RAD54B: variants seen among roughly 807,000 people sequenced by gnomAD.
The protein encoded by RAD54B is DNA repair and recombination protein RAD54B.
In RAD54B, 78 loss-of-function variants were observed where a neutral mutation model predicts 95.8. The ratio of observed to expected loss-of-function variants is 0.81; its 90% confidence interval spans 0.68 to 0.98. The LOEUF (loss-of-function observed/expected upper bound fraction) is 0.98, where lower values mean the gene tolerates loss of function less well. RAD54B is among the 50% of genes least tolerant of loss of function. The probability of loss-of-function intolerance (pLI) is 0.00; values close to 1 mark genes in which losing one functional copy is unlikely to be tolerated. For missense variants in RAD54B, 957 were observed against 1,056.6 expected (o/e 0.91, Z 1.31); for synonymous variants, 328 against 354.9 (o/e 0.92, Z 0.85).
At position 94,404,312 on chromosome 8, in the gene RAD54B, C is replaced by T. The variant is rs1223102491; in HGVS notation, c.782-73G>A. ...AACCAACATTATCTTGTTTTCATTA[C>T]CCTAAGATAGAAATGTTTGCCATCA... On this transcript the variant is annotated intron_variant, in intron 5 of 14. Transcript: ENST00000336148. 12 of 1,322,216 alleles carry T rather than the reference C, an allele frequency of 9.1e-6. No individual in the cohort carries two copies. In the East Asian group the frequency reaches 1.6e-4, roughly 17 times the overall value. 81.9% of individuals were successfully genotyped at this position (1,322,216 alleles called of 1,614,324 possible).
intron 2 of RAD54B, among the ~76,000 whole-genome samples, chr8:94,464,956 C>G (rs1437633927): frequency 6.6e-6 from 1 of 152,054 alleles, no homozygotes; most frequent in African/African-American, 2.4e-5. Context: ...ATCATGTGGA[C>G]TCAGAGCGAA....
chr8:94,448,391 G>C (rs1812571883), intron 3 of RAD54B, among the ~76,000 whole-genome samples: 1 of 152,020 alleles, frequency 6.6e-6, no homozygotes, highest in African/African-American at 2.4e-5. Context: ...ATGAAGATTG[G>C]TGCAGCCATT....
chr8:94,413,436 CA>C (rs757968035), intron 3 of RAD54B, among the ~76,000 whole-genome samples: 1 of 152,102 alleles, frequency 6.6e-6, no homozygotes, highest in Non-Finnish European at 1.5e-5. Flanking sequence ...GGTAGGGAAG[CA>C]AATTCAATGA....
intron 3 of RAD54B, among the ~76,000 whole-genome samples, chr8:94,453,886 G>T (rs1224565271): frequency 6.6e-6 from 1 of 152,040 alleles, no homozygotes; most frequent in African/African-American, 2.4e-5. Context: ...CTGCCTCCCG[G>T]GTTCAAGCAA....
At chr8:94,432,363 T>C in intron 3 of RAD54B, 1 of 1,550,362 alleles carries the variant, frequency 6.5e-7, no homozygotes, top group Non-Finnish European at 8.7e-7. Flanking sequence ...CCTAAAGTGT[T>C]CACCACTCTC....
Position 94,378,644 on chromosome 8 carries a change from A to C in RAD54B, c.2248-10T>G. On this transcript the variant is annotated splice_polypyrimidine_tract_variant and intron_variant, in intron 12 of 14. Coordinates refer to ENST00000336148, the MANE Select transcript of RAD54B (RefSeq NM_012415.3). ...ATACTCTAGACATTGCCTATAGAAA[A>C]TAAGTGAGAATTCTGAGAGTACAGT... 1 of 1,580,742 alleles carries C rather than the reference A, an allele frequency of 6.3e-7. No individual in the cohort carries two copies. The highest frequency in any genetic ancestry group is 1.7e-4 in the Middle Eastern group (1 of 5,956).
At chr8:94,433,405 T>G (rs907784470) in intron 3 of RAD54B, among the ~76,000 whole-genome samples, 1 of 151,998 alleles carries the variant, frequency 6.6e-6, no homozygotes, top group Admixed American at 6.6e-5. Context: ...GTACTGTACT[T>G]AGAACCTAGT....
chr8:94,424,785 G>A (rs141690136), intron 3 of RAD54B, among the ~76,000 whole-genome samples: 168 of 152,228 alleles, frequency 1.1e-3, no homozygotes, highest in African/African-American at 3.9e-3. Context: ...TAAGGCAGCT[G>A]GCACAGTGGC....
chr8:94,403,547 C>T (rs1811310753), intron 6 of RAD54B, among the ~76,000 whole-genome samples: 1 of 151,830 alleles, frequency 6.6e-6, no homozygotes. Flanking sequence ...CATGGTGGAG[C>T]ACGCCTGTAA....
chr8:94,386,945 ACT>A (rs753501450), intron 11 of RAD54B, 37 bp downstream of exon 11: 7 of 1,418,990 alleles, frequency 4.9e-6, no homozygotes, highest in Non-Finnish European at 2.8e-6. Context: ...GCAAACTAAA[ACT>A]CTATGAGCAC....
At chr8:94,374,198 T>G (rs372808187) in intron 14 of RAD54B, among the ~76,000 whole-genome samples, 233 of 151,632 alleles carry the variant, frequency 1.5e-3, no homozygotes, top group East Asian at 3.7e-3. Context: ...AGAATGGCGT[T>G]AACCCGGGAG....
At chr8:94,442,996 A>G (rs899367250) in intron 3 of RAD54B, among the ~76,000 whole-genome samples, 4 of 152,220 alleles carry the variant, frequency 2.6e-5, no homozygotes, top group Non-Finnish European at 5.9e-5. Context: ...TTCAGGATAC[A>G]TATCCCCTAA....
At chr8:94,391,541 G>T in intron 10 of RAD54B, 68 bp downstream of exon 10, 4 of 1,464,390 alleles carry the variant, frequency 2.7e-6, no homozygotes, top group Non-Finnish European at 3.7e-6. Flanking sequence ...AGCCCTGTCT[G>T]CCCTCTTAGA....
intron 1 of RAD54B, among the ~76,000 whole-genome samples, chr8:94,469,478 C>T (rs1048618642): frequency 2.6e-5 from 4 of 152,198 alleles, no homozygotes; most frequent in African/African-American, 9.6e-5. Context: ...ATTACCCAGT[C>T]TTGAGTATCT....
chr8:94,383,966 A>T (rs1286299849), intron 11 of RAD54B, among the ~76,000 whole-genome samples: 1 of 152,208 alleles, frequency 6.6e-6, no homozygotes, highest in Non-Finnish European at 1.5e-5. Flanking sequence ...ACAGTATGGC[A>T]GTACTTCAAA....
At chr8:94,421,931 A>G (rs545825595) in intron 3 of RAD54B, among the ~76,000 whole-genome samples, 1 of 152,334 alleles carries the variant, frequency 6.6e-6, no homozygotes, top group African/African-American at 2.4e-5. Context: ...TGAATCTGAT[A>G]AAGTATCCCT....
chr8:94,372,516 C>A, intron 14 of RAD54B, 129 bp from the exon 15 acceptor site: 1 of 1,429,620 alleles, frequency 7.0e-7, no homozygotes, highest in Non-Finnish European at 9.2e-7. Context: ...CAAGTTAAAA[C>A]AAATTCATTC....
At chr8:94,416,849 G>C (rs1811684675) in intron 3 of RAD54B, among the ~76,000 whole-genome samples, 1 of 152,000 alleles carries the variant, frequency 6.6e-6, no homozygotes, top group African/African-American at 2.4e-5. Flanking sequence ...TTAAACAAGA[G>C]TTACCAAATG....
chr8:94,471,654 C>A (rs983686815), intron 1 of RAD54B, among the ~76,000 whole-genome samples: 1 of 152,032 alleles, frequency 6.6e-6, no homozygotes, highest in Non-Finnish European at 1.5e-5. Flanking sequence ...CATGCCACAA[C>A]ATTAACCCTA....
Sources: gnomAD v4.1 joint callset for allele counts (sites outside exome capture counted in the v4.1 genomes callset) on GRCh38, gnomAD v4.1.1 for gene constraint, MANE v1.5 for transcripts, NCBI Gene and HGNC (gene_info 2026-07-23, HGNC 2026-07-21) for gene names.